FAM178B: variants seen among roughly 807,000 people sequenced by gnomAD.
The protein encoded by FAM178B is family with sequence similarity 178 member B.
FAM178B carries 82 observed loss-of-function variants against 91.7 expected under a neutral mutation model. The observed-to-expected ratio is 0.89, with a 90% confidence interval of 0.75 to 1.07. The LOEUF (loss-of-function observed/expected upper bound fraction) is 1.07, where lower values mean the gene tolerates loss of function less well. Ranked by LOEUF, FAM178B falls within the 50% of genes least tolerant of loss-of-function variation. The pLI, the probability that FAM178B is intolerant of heterozygous loss-of-function variation, is 0.00. For missense variants in FAM178B, 769 were observed against 846.7 expected, an observed-to-expected ratio of 0.91 and a Z score of 1.14; for synonymous variants, 368 against 359.4, an observed-to-expected ratio of 1.02 and a Z score of -0.27.
At chr2:96,922,428 C>T (rs1232435809) in intron 10 of FAM178B, among the ~76,000 whole-genome samples, 1 of 152,182 alleles carries the variant, frequency 6.6e-6, no homozygotes, top group Non-Finnish European at 1.5e-5. Flanking sequence ...TGGCTCACTG[C>T]GACCTCCGCC....
intron 14 of FAM178B, among the ~76,000 whole-genome samples, chr2:96,882,251 G>A (rs1301311082): frequency 6.6e-6 from 1 of 152,204 alleles, no homozygotes; most frequent in Non-Finnish European, 1.5e-5. Flanking sequence ...TGGAAACTGG[G>A]AACTCTGTAG....
rs1559056622 is a variant in FAM178B, at chr2:96,895,217, T to C, written c.1651-1166A>G. 5.4e-6 allele frequency: 4 copies of C among 735,242 alleles called. No individual in the cohort carries two copies. In the Admixed American group the frequency reaches 1.2e-4, roughly 23 times the overall value. The allele number at this position is 735,242 out of a possible 1,614,324, so 45.5% of individuals were successfully genotyped here. On this transcript the variant is annotated intron_variant, in intron 13 of 16. Transcript: ENST00000490605. Reference sequence around the variant, plus strand: ...AGCTTCTACAGAAAAGATAAGGATTTCCCCCCAATCTAATCATAATACCAT... The same window carrying C: ...AGCTTCTACAGAAAAGATAAGGATTCCCCCCCAATCTAATCATAATACCAT...
At chr2:96,904,692 C>T (rs564337375) in intron 12 of FAM178B, among the ~76,000 whole-genome samples, 1 of 152,024 alleles carries the variant, frequency 6.6e-6, no homozygotes, top group East Asian at 1.9e-4. Context: ...TTGTGCCCAG[C>T]CAACAGGGTC....
intron 7 of FAM178B, among the ~76,000 whole-genome samples, chr2:96,949,254 G>A (rs1382056705): frequency 1.3e-5 from 2 of 152,162 alleles, no homozygotes; most frequent in African/African-American, 4.8e-5. Flanking sequence ...AAGGAGCAGG[G>A]TTGGAGCAGT....
chr2:96,915,799 G>C (rs1166256365), intron 12 of FAM178B, among the ~76,000 whole-genome samples: 1 of 149,168 alleles, frequency 6.7e-6, no homozygotes, highest in South Asian at 2.1e-4. Context: ...CTGGGCGACA[G>C]AGTGGGAAAA....
At chr2:96,943,422 G>GC (rs2081767342) in intron 8 of FAM178B, among the ~76,000 whole-genome samples, 1 of 152,162 alleles carries the variant, frequency 6.6e-6, no homozygotes, top group Non-Finnish European at 1.5e-5. Flanking sequence ...GCATGTTATA[G>GC]CATATGTCAC....
At chr2:96,985,258 T>C (rs868382749) in intron 1 of FAM178B, among the ~76,000 whole-genome samples, 2 of 152,150 alleles carry the variant, frequency 1.3e-5, no homozygotes, top group Non-Finnish European at 2.9e-5. Context: ...CCAGGACCTG[T>C]TTCTCCTCCA....
At chr2:96,924,485 A>T (rs2081401403) in intron 9 of FAM178B, among the ~76,000 whole-genome samples, 1 of 152,210 alleles carries the variant, frequency 6.6e-6, no homozygotes, top group Non-Finnish European at 1.5e-5. Context: ...GGCTGGGGAA[A>T]GAAAAATCCC....
intron 16 of FAM178B, 98 bp downstream of exon 16, chr2:96,877,792 C>T: frequency 1.6e-6 from 2 of 1,264,470 alleles, no homozygotes; most frequent in Non-Finnish European, 2.2e-6. Context: ...GCCAGGAGCT[C>T]AGCAGCTGCA....
intron 12 of FAM178B, among the ~76,000 whole-genome samples, chr2:96,903,926 C>T (rs766841442): frequency 2.0e-5 from 3 of 152,274 alleles, no homozygotes; most frequent in South Asian, 2.1e-4. Flanking sequence ...GACAAAGCAG[C>T]GGACTCTTGG....
At position 96,929,216 on chromosome 2, in the gene FAM178B, G is replaced by A. The variant is rs1369719532; in HGVS notation, c.1183C>T (p.His395Tyr). The A allele has an allele frequency of 6.4e-7, 1 of 1,550,420 alleles. No individual in the cohort carries two copies. Among genetic ancestry groups the A allele is most frequent in the Non-Finnish European group, 8.7e-7 (1 of 1,145,944 alleles). ...PALYPLGPFW[H>Y]GGRVLPGEAG... ...AGCAGAAGTACTCACCTGCCACCGT[G>A]CCAAAAGGGCCCCAGAGGGTACAGG... Residue 395 changes from histidine to tyrosine, a missense_variant, in exon 9 of 17, where the codon CAC (histidine) becomes TAC (tyrosine). His to Tyr is a moderately conservative substitution (Grantham distance 83). Coordinates refer to ENST00000490605, the MANE Select transcript of FAM178B (RefSeq NM_001122646.3).
intron 5 of FAM178B, among the ~76,000 whole-genome samples, chr2:96,961,827 C>T (rs1438923470): frequency 6.6e-6 from 1 of 152,074 alleles, no homozygotes; most frequent in Non-Finnish European, 1.5e-5. Context: ...ACAGGGTGGT[C>T]CTGAGAATGA....
intron 10 of FAM178B, among the ~76,000 whole-genome samples, 179 bp from the exon 11 acceptor site, chr2:96,921,833 G>C (rs1445582984): frequency 1.3e-5 from 2 of 152,180 alleles, no homozygotes; most frequent in African/African-American, 2.4e-5. Context: ...GGCAGGCACA[G>C]GTGTGGAGAG....
intron 4 of FAM178B, among the ~76,000 whole-genome samples, chr2:96,968,060 G>A (rs1461472498): frequency 6.6e-6 from 1 of 151,584 alleles, no homozygotes; most frequent in African/African-American, 2.4e-5. Flanking sequence ...CCTCTCAAGG[G>A]ACAACAGGCA....
Position 96,947,904 on chromosome 2 carries a change from T to A in FAM178B, c.994-2A>T. On this transcript the variant is annotated splice_acceptor_variant, in intron 7 of 16. Transcript: ENST00000490605. LOFTEE classifies it high-confidence loss of function. ...TGTTTCTGGAGGCCATGTCAGCAGC[T>A]AGGTGGAAAAAAAAAACAAAAACAA... is the stretch of plus-strand genomic sequence containing the variant. The A allele has an allele frequency of 6.6e-7, 1 of 1,519,414 alleles. No individual in the cohort carries two copies. The highest frequency in any genetic ancestry group is 1.4e-5 in the African/African-American group (1 of 69,748). 94.1% of individuals were successfully genotyped at this position (1,519,414 alleles called of 1,614,324 possible).
intron 14 of FAM178B, among the ~76,000 whole-genome samples, chr2:96,891,403 G>T (rs1270956403): frequency 6.6e-6 from 1 of 152,242 alleles, no homozygotes; most frequent in Non-Finnish European, 1.5e-5. Flanking sequence ...AGGCTGGTCA[G>T]ATGGCACACA....
intron 1 of FAM178B, among the ~76,000 whole-genome samples, chr2:96,985,509 GT>G (rs373072333): frequency 2.0e-5 from 3 of 152,134 alleles, no homozygotes; most frequent in African/African-American, 4.8e-5. Flanking sequence ...TGTCATCTCA[GT>G]TTTTTTGTTC....
chr2:96,879,858 C>T (rs2080336796), intron 14 of FAM178B, among the ~76,000 whole-genome samples: 1 of 152,114 alleles, frequency 6.6e-6, no homozygotes, highest in South Asian at 2.1e-4. Flanking sequence ...CCGAGTTGCC[C>T]GGCCCAGCTG....
At chr2:96,947,440 G>A (rs1369362592) in intron 8 of FAM178B, among the ~76,000 whole-genome samples, 4 of 152,218 alleles carry the variant, frequency 2.6e-5, no homozygotes, top group African/African-American at 7.2e-5. Context: ...GATTTGATGC[G>A]GATATTCCTG....
Sources: allele counts gnomAD v4.1 joint callset (sites outside exome capture counted in the v4.1 genomes callset), GRCh38; gene constraint gnomAD v4.1.1; transcripts MANE v1.5; gene names NCBI Gene and HGNC (gene_info 2026-07-23, HGNC 2026-07-21).